The following SORCS1 variants were observed in gnomAD, a reference collection of about 807,000 sequenced individuals.
The protein encoded by SORCS1 is sortilin related VPS10 domain containing receptor 1.
In SORCS1, 60 loss-of-function variants were observed where a neutral mutation model predicts 146.1. The observed-to-expected ratio is 0.41, with a 90% CI of 0.33 to 0.51. The LOEUF is 0.51. SORCS1 is among the 20% of genes least tolerant of loss of function. The pLI is 0.21. For missense variants in SORCS1, 1,352 were observed against 1,487.6 expected, an observed-to-expected ratio of 0.91 and a Z score of 1.50; for synonymous variants, 637 against 584.0, an observed-to-expected ratio of 1.09 and a Z score of -1.31.
chr10:106,787,534 T>G (rs182411475), intron 3 of SORCS1, among the ~76,000 whole-genome samples: 1 of 152,302 alleles, frequency 6.6e-6, no homozygotes, highest in African/African-American at 2.4e-5. Flanking sequence ...GCCAACCCTA[T>G]AAAACACTCA....
chr10:106,689,458 T>C (rs775129877), intron 9 of SORCS1, among the ~76,000 whole-genome samples: 43 of 152,106 alleles, frequency 2.8e-4, no homozygotes, highest in Non-Finnish European at 5.1e-4. Flanking sequence ...GATGAGGAAA[T>C]AGATACTTTG....
At position 106,650,845 on chromosome 10, in the gene SORCS1, C is replaced by T. The variant is rs75333150; in HGVS notation, c.2475+1537G>A. On this transcript the variant is annotated intron_variant, in intron 18 of 25. Transcript: ENST00000263054. ...AATCCTCCTGATAGTTCTCTTAACT[C>T]CTAGTCCTCCTTTTCCTCCTCTTCA... Among the ~76,000 whole-genome samples, 327 of 152,244 alleles carry T rather than the reference C, an allele frequency of 2.1e-3. 1 individual carries two copies. Among genetic ancestry groups the T allele is most frequent in the African/African-American group, 7.6e-3 (317 of 41,540 alleles).
upstream of SORCS1, among the ~76,000 whole-genome samples, chr10:107,168,108 C>T (rs1353348592): frequency 1.3e-5 from 2 of 152,232 alleles, no homozygotes; most frequent in African/African-American, 4.8e-5. Flanking sequence ...TCTCTACCCT[C>T]ATCCTAATAC....
intron 2 of SORCS1, among the ~76,000 whole-genome samples, chr10:106,893,549 C>T (rs1045155496): frequency 7.9e-5 from 12 of 152,020 alleles, no homozygotes; most frequent in Non-Finnish European, 1.2e-4. Context: ...TAAATCAATG[C>T]GGTATAATTT....
At chr10:106,819,710 G>C (rs1320644576) in intron 3 of SORCS1, among the ~76,000 whole-genome samples, 1 of 151,992 alleles carries the variant, frequency 6.6e-6, no homozygotes, top group East Asian at 1.9e-4. Context: ...TTCCTTCCTG[G>C]CAAAACCGAT....
intron 1 of SORCS1, among the ~76,000 whole-genome samples, chr10:107,018,563 GCTC>G (rs1385843067): frequency 1.3e-5 from 2 of 151,768 alleles, no homozygotes; most frequent in Non-Finnish European, 2.9e-5. Flanking sequence ...ATTGCTGAAG[GCTC>G]CTATGTCATA....
intron 17 of SORCS1, among the ~76,000 whole-genome samples, chr10:106,654,385 C>T (rs1850117418): frequency 6.6e-6 from 1 of 152,140 alleles, no homozygotes. Flanking sequence ...CTCTAGCACA[C>T]ATCCCCTCTT....
chr10:106,948,110 A>C (rs1239784920), intron 2 of SORCS1, among the ~76,000 whole-genome samples: 1 of 152,180 alleles, frequency 6.6e-6, no homozygotes, highest in Non-Finnish European at 1.5e-5. Context: ...AATCCAGTGA[A>C]TAGTATACTT....
intron 18 of SORCS1, among the ~76,000 whole-genome samples, chr10:106,649,193 A>G (rs1428520168): frequency 6.6e-6 from 1 of 152,202 alleles, no homozygotes; most frequent in Non-Finnish European, 1.5e-5. Context: ...GACAAGGTAG[A>G]AGGTCTAATT....
chr10:106,985,539 CTTT>C (rs575357494), intron 1 of SORCS1, among the ~76,000 whole-genome samples: 74 of 135,084 alleles, frequency 5.5e-4, no homozygotes, highest in Non-Finnish European at 1.0e-3. Context: ...TTCACTTAAG[CTTT>C]TTTTTTTTTT....
intron 2 of SORCS1, among the ~76,000 whole-genome samples, chr10:106,917,815 C>A (rs2138349895): frequency 6.6e-6 from 1 of 152,302 alleles, no homozygotes; most frequent in African/African-American, 2.4e-5. Context: ...AGAAATTGTT[C>A]CACTACAGCC....
chr10:106,778,563 A>G (rs12256530), intron 3 of SORCS1, among the ~76,000 whole-genome samples: 7,153 of 152,240 alleles, frequency 0.047, 270 homozygotes, highest in East Asian at 0.11. Context: ...TCACAGGAAT[A>G]TTTCCAAGTG....
intron 1 of SORCS1, among the ~76,000 whole-genome samples, chr10:107,113,991 GGA>G (rs1320645669): frequency 1.3e-5 from 2 of 151,762 alleles, no homozygotes; most frequent in African/African-American, 4.8e-5. Context: ...AAAATACAAA[GGA>G]TCATAAGAGA....
At chr10:106,998,506 G>A (rs1957088295) in intron 1 of SORCS1, among the ~76,000 whole-genome samples, 1 of 152,202 alleles carries the variant, frequency 6.6e-6, no homozygotes, top group East Asian at 1.9e-4. Context: ...TCTTAAAGGT[G>A]CACTTTAACA....
At chr10:106,818,965 C>T (rs1001648402) in intron 3 of SORCS1, among the ~76,000 whole-genome samples, 5 of 152,170 alleles carry the variant, frequency 3.3e-5, no homozygotes, top group African/African-American at 1.2e-4. Flanking sequence ...ATCTCCTCAA[C>T]CAGACTGTGC....
chr10:107,058,263 G>T (rs986324286), intron 1 of SORCS1, among the ~76,000 whole-genome samples: 1 of 151,836 alleles, frequency 6.6e-6, no homozygotes, highest in East Asian at 1.9e-4. Flanking sequence ...GGATGGTCTC[G>T]ATCTCCCGAC....
At chr10:106,954,771 C>A (rs922219390) in intron 2 of SORCS1, among the ~76,000 whole-genome samples, 2 of 152,062 alleles carry the variant, frequency 1.3e-5, no homozygotes, top group East Asian at 1.9e-4. Context: ...ACGGCCTGCA[C>A]CTCCCCCATT....
chr10:106,808,767 G>A lies in SORCS1; in HGVS notation c.726+20807C>T, dbSNP rs140203498. 2.4e-3 allele frequency among the ~76,000 whole-genome samples: 365 copies of A among 152,286 alleles called. 2 individuals are homozygous for A. Among genetic ancestry groups the A allele is most frequent in the African/African-American group, 8.5e-3 (353 of 41,560 alleles). ...TCCGCCCACCTTGGCCTCCCAAGGT[G>A]TTGGGATTACAGGCATGAGTCACCG... On this transcript the variant is annotated intron_variant, in intron 3 of 25. Coordinates refer to ENST00000263054, the MANE Select transcript of SORCS1 (RefSeq NM_052918.5).
chr10:106,989,271 GAAAAAAAAAAAAAAA>G (rs1161174866), intron 1 of SORCS1, among the ~76,000 whole-genome samples: 2 of 75,672 alleles, frequency 2.6e-5, no homozygotes, highest in African/African-American at 1.3e-4. Flanking sequence ...CTCCACCTCA[GAAAAAAAAAAAAAAA>G]AAAAAAAAAA....
Sources: gnomAD v4.1 joint callset for allele counts (sites outside exome capture counted in the v4.1 genomes callset) on GRCh38, gnomAD v4.1.1 for gene constraint, MANE v1.5 for transcripts, NCBI Gene and HGNC (gene_info 2026-07-23, HGNC 2026-07-21) for gene names.